CNTNAP2: variants seen among roughly 807,000 people sequenced by gnomAD.
CNTNAP2 encodes the protein contactin associated protein 2, also known as contactin-associated protein-like 2.
In CNTNAP2, 98 loss-of-function variants were observed where a neutral mutation model predicts 155.2. That is an observed-to-expected ratio of 0.63 (90% CI 0.54 to 0.75). CNTNAP2 has a LOEUF of 0.75. CNTNAP2 is among the 30% of genes least tolerant of loss of function. The pLI, the probability that CNTNAP2 is intolerant of heterozygous loss-of-function variation, is 0.00. For missense variants in CNTNAP2, 1,727 were observed against 1,688.1 expected, an observed-to-expected ratio of 1.02 and a Z score of -0.40; for synonymous variants, 651 against 631.2, an observed-to-expected ratio of 1.03 and a Z score of -0.47.
chr7:148,142,093 C>CTGTGTGTGTGTG (rs71527881), intron 16 of CNTNAP2, among the ~76,000 whole-genome samples: 1,498 of 136,354 alleles, frequency 0.011, 12 homozygotes, highest in East Asian at 0.016. Flanking sequence ...AGATATGTCT[C>CTGTGTGTGTGTG]TGTGTGTGTG....
At chr7:146,245,836 G>C (rs1453656792) in intron 1 of CNTNAP2, among the ~76,000 whole-genome samples, 2 of 150,494 alleles carry the variant, frequency 1.3e-5, no homozygotes, top group Non-Finnish European at 2.9e-5. Context: ...CTGGGATGAC[G>C]GGTGCAAAGG....
chr7:146,851,355 A>G (rs1446573825), intron 3 of CNTNAP2, among the ~76,000 whole-genome samples: 1 of 152,172 alleles, frequency 6.6e-6, no homozygotes, highest in Non-Finnish European at 1.5e-5. Flanking sequence ...TAAAAGTTAG[A>G]AGATCTTGGT....
At chr7:146,281,758 G>A (rs1800255422) in intron 1 of CNTNAP2, among the ~76,000 whole-genome samples, 1 of 151,248 alleles carries the variant, frequency 6.6e-6, no homozygotes, top group Non-Finnish European at 1.5e-5. Flanking sequence ...TCTCACCGTT[G>A]CACTCCAGCC....
intron 2 of CNTNAP2, among the ~76,000 whole-genome samples, chr7:146,779,398 G>A (rs188348856): frequency 5.9e-4 from 90 of 152,186 alleles, no homozygotes; most frequent in Admixed American, 2.0e-3. Context: ...CACAGGGAGA[G>A]GGACACAAAT....
intron 9 of CNTNAP2, among the ~76,000 whole-genome samples, chr7:147,346,159 T>TA (rs1563168780): frequency 2.1e-4 from 26 of 126,786 alleles, no homozygotes; most frequent in Admixed American, 1.0e-3. Flanking sequence ...TTTTATTTTT[T>TA]TTTTTTGAGA....
chr7:148,267,523 C>T (rs1288283099), intron 21 of CNTNAP2, among the ~76,000 whole-genome samples: 1 of 151,912 alleles, frequency 6.6e-6, no homozygotes, highest in African/African-American at 2.4e-5. Flanking sequence ...TGCATGGTGG[C>T]AGGTGCCTGT....
intron 1 of CNTNAP2, among the ~76,000 whole-genome samples, chr7:146,364,069 A>G (rs939858862): frequency 5.9e-5 from 9 of 152,150 alleles, no homozygotes; most frequent in African/African-American, 1.7e-4. Context: ...GTAAGATCTA[A>G]TACCGTTTGT....
At chr7:147,436,068 G>C (rs1797543248) in intron 10 of CNTNAP2, among the ~76,000 whole-genome samples, 1 of 152,122 alleles carries the variant, frequency 6.6e-6, no homozygotes, top group Admixed American at 6.6e-5. Context: ...TGCCAGAGTA[G>C]TCATGGGGCC....
intron 12 of CNTNAP2, among the ~76,000 whole-genome samples, chr7:147,602,084 G>T (rs2107858): frequency 0.7 from 105,719 of 151,402 alleles, 37,607 homozygotes; most frequent in African/African-American, 0.83. Context: ...TCTACTTGTC[G>T]TTCTTTTGTG....
At chr7:147,656,907 G>A (rs1563041269) in intron 13 of CNTNAP2, among the ~76,000 whole-genome samples, 1 of 152,302 alleles carries the variant, frequency 6.6e-6, no homozygotes, top group East Asian at 1.9e-4. Context: ...TCACCCAATG[G>A]AGGATGTATC....
chr7:147,954,905 A>C (rs1465187351), intron 14 of CNTNAP2, among the ~76,000 whole-genome samples: 1 of 152,224 alleles, frequency 6.6e-6, no homozygotes, highest in African/African-American at 2.4e-5. Context: ...TTTCACTATG[A>C]AGAGATCTCT....
chr7:146,424,961 A>G (rs1796067358), intron 1 of CNTNAP2, among the ~76,000 whole-genome samples: 1 of 152,192 alleles, frequency 6.6e-6, no homozygotes, highest in African/African-American at 2.4e-5. Flanking sequence ...CCTTATAATT[A>G]TCAGTGGTCC....
chr7:146,436,420 A>G (rs1200166444), intron 1 of CNTNAP2, among the ~76,000 whole-genome samples: 2 of 152,230 alleles, frequency 1.3e-5, no homozygotes, highest in African/African-American at 4.8e-5. Flanking sequence ...TTAGAAAACA[A>G]CATGTGACAA....
intron 1 of CNTNAP2, among the ~76,000 whole-genome samples, chr7:146,298,561 A>G (rs558025178): frequency 6.6e-6 from 1 of 152,326 alleles, no homozygotes; most frequent in Admixed American, 6.5e-5. Context: ...GAGGTTGCAA[A>G]GCCTTCTGTC....
chr7:147,427,041 C>A (rs933602153), intron 10 of CNTNAP2, among the ~76,000 whole-genome samples: 1 of 152,002 alleles, frequency 6.6e-6, no homozygotes. Flanking sequence ...AGTCCAAAAT[C>A]GAGGCACCAG....
chr7:147,628,585 G>T (rs1795029329), intron 12 of CNTNAP2, among the ~76,000 whole-genome samples: 1 of 152,050 alleles, frequency 6.6e-6, no homozygotes, highest in South Asian at 2.1e-4. Flanking sequence ...AGGTATTAAG[G>T]CAACAACTAG....
chr7:146,626,002 A>C (rs1157286209), intron 1 of CNTNAP2, among the ~76,000 whole-genome samples: 1 of 152,084 alleles, frequency 6.6e-6, no homozygotes, highest in Admixed American at 6.6e-5. Flanking sequence ...TTGGAAATGG[A>C]TGAATCATTT....
At chr7:147,601,580 G>A (rs10227408) in intron 12 of CNTNAP2, among the ~76,000 whole-genome samples, 100,581 of 148,736 alleles carry the variant, frequency 0.68, 34,337 homozygotes, top group African/African-American at 0.75. Flanking sequence ...GCTTAGCTTG[G>A]GCTCAGAGGC....
intron 15 of CNTNAP2, among the ~76,000 whole-genome samples, chr7:148,063,111 G>A (rs1426277432): frequency 3.3e-5 from 5 of 151,870 alleles, no homozygotes; most frequent in Non-Finnish European, 5.9e-5. Context: ...ATTGTCACTG[G>A]GTATCGAGTT....
Sources: gnomAD v4.1 joint callset for allele counts (sites outside exome capture counted in the v4.1 genomes callset) on GRCh38, gnomAD v4.1.1 for gene constraint, MANE v1.5 for transcripts, NCBI Gene and HGNC (gene_info 2026-07-23, HGNC 2026-07-21) for gene names.